The following IFT88 variants were observed in gnomAD, a reference collection of about 807,000 sequenced individuals.
IFT88 encodes intraflagellar transport 88.
Under a neutral mutation model 119.5 loss-of-function variants are expected in IFT88, and 74 were observed. The ratio of observed to expected loss-of-function variants is 0.62; its 90% CI spans 0.51 to 0.75. The LOEUF (loss-of-function observed/expected upper bound fraction) is 0.75. Among genes scored for constraint, IFT88 ranks in the 30% least tolerant of loss-of-function variants. The probability of loss-of-function intolerance (pLI) is 0.00; values close to 1 mark genes in which losing one functional copy is unlikely to be tolerated. For missense variants in IFT88, 961 were observed against 977.7 expected, an observed-to-expected ratio of 0.98 and a Z score of 0.23; for synonymous variants, 279 against 316.7, an observed-to-expected ratio of 0.88 and a Z score of 1.26.
intron 8 of IFT88, 85 bp from the exon 9 acceptor site, chr13:20,596,930 A>C: frequency 1.4e-6 from 1 of 698,494 alleles, no homozygotes; most frequent in Non-Finnish European, 2.4e-6. Context: ...AAATGAATTC[A>C]TCCAACCTTC....
At chr13:20,625,960 GAAT>G (rs1472455080) in intron 15 of IFT88, 111 bp downstream of exon 15, 7 of 315,108 alleles carry the variant, frequency 2.2e-5, no homozygotes, top group Admixed American at 1.5e-4. Flanking sequence ...TTCTGAAGTT[GAAT>G]AATATTTTTA....
At chr13:20,690,629 T>C in intron 24 of IFT88, 76 bp from the exon 25 acceptor site, 1 of 915,640 alleles carries the variant, frequency 1.1e-6, no homozygotes, top group South Asian at 1.4e-5. Context: ...CAAATAAGTA[T>C]GCTTTAAGAT....
chr13:20,684,748 T>C lies in IFT88; in HGVS notation c.2243-5957T>C, dbSNP rs537696802. Reference sequence around the variant, plus strand: ...TCAAGCCTCGTGCCTGCTCGACCCTTGTCCCATTGTTACCCTGATGCTTCC... The same window carrying C: ...TCAAGCCTCGTGCCTGCTCGACCCTCGTCCCATTGTTACCCTGATGCTTCC... On this transcript the variant is annotated intron_variant, in intron 24 of 25. Coordinates refer to ENST00000351808, the MANE Select transcript of IFT88 (RefSeq NM_006531.5). 3.3e-5 allele frequency among the ~76,000 whole-genome samples: 5 copies of C among 152,334 alleles called. No homozygotes were observed. The East Asian group carries it at 9.6e-4, about 29-fold the overall frequency.
At chr13:20,682,391 A>G (rs1001196810) in intron 24 of IFT88, among the ~76,000 whole-genome samples, 10 of 152,228 alleles carry the variant, frequency 6.6e-5, no homozygotes, top group Non-Finnish European at 1.5e-4. Context: ...TCCTTTGTTA[A>G]TTGACAAGGG....
chr13:20,568,004 G>A (rs1410334623), intron 1 of IFT88: 1 of 713,386 alleles, frequency 1.4e-6, no homozygotes, highest in Admixed American at 2.0e-5. Flanking sequence ...TAAGGTAGCC[G>A]ATGAGCTTTA....
chr13:20,616,394 A>T (rs1453492827), intron 14 of IFT88, among the ~76,000 whole-genome samples: 1 of 152,240 alleles, frequency 6.6e-6, no homozygotes, highest in Non-Finnish European at 1.5e-5. Context: ...ATGACATTTT[A>T]AAAATCTTTT....
At chr13:20,664,460 G>T (rs767127793) in intron 23 of IFT88, among the ~76,000 whole-genome samples, 16 of 152,180 alleles carry the variant, frequency 1.1e-4, no homozygotes, top group Non-Finnish European at 1.9e-4. Context: ...TTGTTGGCCA[G>T]GCAAGACAGA....
chr13:20,669,038 G>A (rs1414624285), intron 23 of IFT88, among the ~76,000 whole-genome samples: 1 of 152,160 alleles, frequency 6.6e-6, no homozygotes. Context: ...CTGGGAGTAG[G>A]AGAGGAAAAA....
At chr13:20,612,400 C>T (rs2044724523) in intron 13 of IFT88, 1 of 152,052 alleles carries the variant, frequency 6.6e-6, no homozygotes, top group Non-Finnish European at 1.5e-5. Flanking sequence ...ATGAAATTAA[C>T]ATTTATAATT....
intron 15 of IFT88, 87 bp downstream of exon 15, chr13:20,625,936 G>T: frequency 4.2e-6 from 2 of 478,532 alleles, no homozygotes; most frequent in South Asian, 3.8e-5. Context: ...CTAGAATAAT[G>T]TTATCTGTGA....
At position 20,596,309 on chromosome 13, in the gene IFT88, C is replaced by T. The variant is rs151244926; in HGVS notation, c.489+69C>T. The T allele has an allele frequency of 3.5e-3, 1,977 of 569,488 alleles. 32 individuals carry two copies. Among genetic ancestry groups the T allele is most frequent in the African/African-American group, 0.033 (1,693 of 51,908 alleles). 35.3% of individuals were successfully genotyped at this position (569,488 alleles called of 1,614,324 possible). A position where few individuals can be genotyped will look rare whatever the true frequency, so the allele number is the denominator to read the frequency against. Reference sequence around the variant, plus strand: ...TGTATGTCTGCTTTTATACATACACCGTATGTATAGACAAATATTTTTGTT... The same window carrying T: ...TGTATGTCTGCTTTTATACATACACTGTATGTATAGACAAATATTTTTGTT... On this transcript the variant is annotated intron_variant, in intron 8 of 25. Coordinates refer to ENST00000351808, the MANE Select transcript of IFT88 (RefSeq NM_006531.5).
chr13:20,581,852 CAAAA>C (rs10555158), intron 2 of IFT88, among the ~76,000 whole-genome samples: 17 of 121,260 alleles, frequency 1.4e-4, no homozygotes, highest in Admixed American at 3.4e-4. Flanking sequence ...AACCCTGTCT[CAAAA>C]AAAAAAAAAA....
At chr13:20,638,774 A>G (rs903748018) in intron 17 of IFT88, among the ~76,000 whole-genome samples, 1 of 152,226 alleles carries the variant, frequency 6.6e-6, no homozygotes, top group African/African-American at 2.4e-5. Flanking sequence ...ACAGTGTATA[A>G]TACTAATTTC....
intron 16 of IFT88, among the ~76,000 whole-genome samples, chr13:20,638,102 G>A (rs1292316414): frequency 6.6e-6 from 1 of 152,164 alleles, no homozygotes; most frequent in Non-Finnish European, 1.5e-5. Flanking sequence ...AAATAGTGTT[G>A]TTATTCTAAC....
chr13:20,656,868 A>C (rs565414842), intron 22 of IFT88, among the ~76,000 whole-genome samples: 23 of 151,624 alleles, frequency 1.5e-4, no homozygotes, highest in Non-Finnish European at 2.9e-4. Context: ...ATAGCAAATA[A>C]TTTTTTTTTA....
At chr13:20,627,047 G>T (rs2047453405) in intron 15 of IFT88, among the ~76,000 whole-genome samples, 1 of 152,140 alleles carries the variant, frequency 6.6e-6, no homozygotes, top group African/African-American at 2.4e-5. Flanking sequence ...AAGAATATGA[G>T]AGTAGAAAAA....
intron 14 of IFT88, among the ~76,000 whole-genome samples, chr13:20,619,770 T>G (rs564440328): frequency 3.4e-4 from 51 of 152,232 alleles, no homozygotes; most frequent in African/African-American, 1.0e-3. Flanking sequence ...CTATGGTGTG[T>G]ATATGTTCAG....
chr13:20,573,700 T>G (rs1488577111), intron 1 of IFT88, among the ~76,000 whole-genome samples: 1 of 152,238 alleles, frequency 6.6e-6, no homozygotes, highest in Non-Finnish European at 1.5e-5. Flanking sequence ...ACATTTTTGC[T>G]GACATTATGT....
Position 20,691,146 on chromosome 13 carries a change from G to C in IFT88, c.2446G>C (p.Glu816Gln), listed in dbSNP as rs1263697542. Residue 816 changes from glutamate (E) to glutamine (Q), a missense_variant, in exon 26 of 26, where the codon GAA becomes CAA. By Grantham distance (29) the Glu-to-Gln change is conservative. Coordinates refer to ENST00000351808, the MANE Select transcript of IFT88 (RefSeq NM_006531.5). ...RIDEDDFADE[E>Q]LGDDLLPE ...CGATGAGGATGATTTTGCTGATGAA[G>C]AATTAGGAGATGATTTGCTTCCAGA... The C allele has an allele frequency of 1.2e-6, 2 of 1,613,514 alleles. No homozygotes were observed. Among genetic ancestry groups the C allele is most frequent in the Non-Finnish European group, 1.7e-6 (2 of 1,179,710 alleles).
Sources: gnomAD v4.1 joint callset for allele counts (sites outside exome capture counted in the v4.1 genomes callset) on GRCh38, gnomAD v4.1.1 for gene constraint, MANE v1.5 for transcripts, NCBI Gene and HGNC (gene_info 2026-07-23, HGNC 2026-07-21) for gene names.